Variants in COG7 observed in about 807,000 individuals in gnomAD.
COG7 encodes conserved oligomeric Golgi complex subunit 7.
A neutral mutation model predicts 91.5 loss-of-function variants in COG7; 49 were observed. The observed-to-expected ratio is 0.54, with a 90% CI of 0.43 to 0.68. The LOEUF (loss-of-function observed/expected upper bound fraction) is 0.68. Among genes scored for constraint, COG7 ranks in the 30% least tolerant of loss-of-function variants. The probability of loss-of-function intolerance (pLI) is 0.00; values close to 1 mark genes in which losing one functional copy is unlikely to be tolerated. For missense variants in COG7, 895 were observed against 961.3 expected (o/e 0.93, Z 0.91); for synonymous variants, 365 against 388.7 (o/e 0.94, Z 0.72).
intron 10 of COG7, chr16:23,412,648 TCAA>T (rs944506407): frequency 6.6e-6 from 1 of 152,242 alleles, no homozygotes; most frequent in African/African-American, 2.4e-5. Flanking sequence ...AATCTGGCCC[TCAA>T]CAACGACTTG....
In COG7 at chr16:23,388,789, C is replaced by T. The variant is rs955696029; in HGVS notation, c.*131G>A. On this transcript the variant is annotated 3_prime_UTR_variant, in exon 17 of 17. Transcript: ENST00000307149. ...TGCTGGGATTACAGGCGTGAGCCAC[C>T]GTGACCAGCTGAACCAAGTCTTTTT... The T allele has an allele frequency of 1.5e-5, 22 of 1,503,026 alleles. No individual in the cohort carries two copies. The highest frequency in any genetic ancestry group is 3.8e-5 in the South Asian group (3 of 79,014). The allele number at this position is 1,503,026 out of a possible 1,614,324, so 93.1% of individuals were successfully genotyped here.
At chr16:23,441,969 T>A (rs1964108186) in intron 4 of COG7, 1 of 155,304 alleles carries the variant, frequency 6.4e-6, no homozygotes. Context: ...AATGAAGAAT[T>A]CTGAAGGAGA....
chr16:23,424,044 T>G (rs1272675851), intron 7 of COG7, among the ~76,000 whole-genome samples: 1 of 152,196 alleles, frequency 6.6e-6, no homozygotes, highest in Non-Finnish European at 1.5e-5. Context: ...CTCATGCCTG[T>G]AATCCCAGCA....
chr16:23,389,153 A>G, intron 16 of COG7, 67 bp from the exon 17 acceptor site: 1 of 1,572,872 alleles, frequency 6.4e-7, no homozygotes, highest in Non-Finnish European at 8.7e-7. Context: ...AGAGCCCCAC[A>G]GGGCCTCCCC....
At chr16:23,395,281 G>C (rs1365587959) in intron 14 of COG7, among the ~76,000 whole-genome samples, 2 of 152,066 alleles carry the variant, frequency 1.3e-5, no homozygotes, top group Admixed American at 6.5e-5. Flanking sequence ...TTTCCCCAAG[G>C]CTGGGGGAAG....
Position 23,410,315 on chromosome 16 carries a change from GAAGTCCCCA to G in COG7, c.1446_1454del (p.Gly483_Phe485del), listed in dbSNP as rs1567334056. On this transcript the variant is annotated inframe_deletion, in exon 11 of 17. Coordinates refer to ENST00000307149, the MANE Select transcript of COG7 (RefSeq NM_153603.4). ...CCTACCTGTTGGCTAGCTGCTGCTC[GAAGTCCCCA>G]CAATGCCGCAAAAGCTCTCCACAGG... is the stretch of plus-strand genomic sequence containing the variant. 6.2e-7 allele frequency: 1 copy of G among 1,614,008 alleles called. No homozygotes were observed. Among genetic ancestry groups the G allele is most frequent in the African/African-American group, 1.3e-5 (1 of 75,020 alleles).
In COG7 at chr16:23,399,392, G is replaced by A. The variant is rs902166932; in HGVS notation, c.1804-1263C>T. Reference sequence around the variant, plus strand: ...CTCCCAATCCAGCGAGAAGGAACACGCCAACCATCCACATTTACCAAGTAC... The same window carrying A: ...CTCCCAATCCAGCGAGAAGGAACACACCAACCATCCACATTTACCAAGTAC... On this transcript the variant is annotated intron_variant, in intron 13 of 16. Coordinates refer to ENST00000307149, the MANE Select transcript of COG7 (RefSeq NM_153603.4). Among the ~76,000 whole-genome samples, 4 of 152,086 alleles carry A rather than the reference G, an allele frequency of 2.6e-5. No homozygotes were observed. The East Asian group carries it at 5.8e-4, about 22-fold the overall frequency.
chr16:23,447,215 AT>A, intron 1 of COG7: 1 of 151,038 alleles, frequency 6.6e-6, no homozygotes, highest in Middle Eastern at 3.5e-3. Flanking sequence ...TTCACACTCT[AT>A]TTATTTATTT....
chr16:23,453,090 G>A lies in COG7; in HGVS notation c.-96C>T. 1 of 1,574,322 alleles carries A rather than the reference G, an allele frequency of 6.4e-7. No homozygotes were observed. The highest frequency in any genetic ancestry group is 8.6e-7 in the Non-Finnish European group (1 of 1,158,328). ...CGAGCGAGCCTGCGAGAGCACCGAG[G>A]CTAGCCTCCGAGGCGAACCCCAGAA... On this transcript the variant is annotated 5_prime_UTR_variant, in exon 1 of 17. Coordinates refer to ENST00000307149, the MANE Select transcript of COG7 (RefSeq NM_153603.4).
intron 16 of COG7, chr16:23,391,975 T>C: frequency 1.8e-6 from 2 of 1,142,186 alleles, no homozygotes; most frequent in Non-Finnish European, 2.2e-6. Context: ...ACAGGGGAGT[T>C]TGGAATTACA....
intron 5 of COG7, 112 bp from the exon 6 acceptor site, chr16:23,433,779 G>A: frequency 7.9e-7 from 1 of 1,260,826 alleles, no homozygotes; most frequent in African/African-American, 1.5e-5. Flanking sequence ...TGGGCTCACT[G>A]GGCAGCCCAG....
At chr16:23,406,453 A>T (rs1411069948) in intron 11 of COG7, among the ~76,000 whole-genome samples, 191 bp from the exon 12 acceptor site, 2 of 152,034 alleles carry the variant, frequency 1.3e-5, no homozygotes, top group African/African-American at 4.8e-5. Context: ...GGTGCACAAT[A>T]AAAAAAACCC....
At chr16:23,417,536 G>A (rs753111382) in intron 8 of COG7, among the ~76,000 whole-genome samples, 6 of 152,202 alleles carry the variant, frequency 3.9e-5, no homozygotes, top group Admixed American at 6.5e-5. Context: ...GATGGCAGAC[G>A]TGGGCAGATT....
chr16:23,442,359 G>T, intron 4 of COG7, 118 bp downstream of exon 4: 17 of 850,382 alleles, frequency 2.0e-5, no homozygotes, highest in Non-Finnish European at 3.2e-5. Context: ...AAAAATTACA[G>T]AGTTCCTTCT....
chr16:23,418,558 C>T (rs374079951), intron 8 of COG7, 142 bp downstream of exon 8: 26 of 712,530 alleles, frequency 3.6e-5, no homozygotes, highest in East Asian at 3.0e-4. Context: ...TCTCATTTTA[C>T]ATTGGGATTA....
chr16:23,397,521 C>G (rs1345656887), intron 14 of COG7, among the ~76,000 whole-genome samples: 1 of 152,144 alleles, frequency 6.6e-6, no homozygotes, highest in African/African-American at 2.4e-5. Flanking sequence ...TCCACGTGCC[C>G]CCATTCCCCT....
chr16:23,406,283 A>G, intron 11 of COG7, 21 bp from the exon 12 acceptor site: 2 of 1,603,068 alleles, frequency 1.2e-6, no homozygotes, highest in Non-Finnish European at 1.7e-6. Flanking sequence ...AGGAATGACC[A>G]TTATGCCCTG....
chr16:23,388,800 G>A lies in COG7; in HGVS notation c.*120C>T. On this transcript the variant is annotated 3_prime_UTR_variant, in exon 17 of 17. Transcript: ENST00000307149. ...CAGGCGTGAGCCACCGTGACCAGCT[G>A]AACCAAGTCTTTTTAAAGTAACTTC... is the stretch of plus-strand genomic sequence containing the variant. The A allele has an allele frequency of 6.5e-7, 1 of 1,550,344 alleles. No homozygotes were observed. The highest frequency in any genetic ancestry group is 8.7e-7 in the Non-Finnish European group (1 of 1,149,856).
intron 16 of COG7, 168 bp downstream of exon 16, chr16:23,392,212 C>A: frequency 6.6e-7 from 1 of 1,505,416 alleles, no homozygotes. Flanking sequence ...AAGTCAGAAT[C>A]TCTGGGGCAG....
Sources: gnomAD v4.1 joint callset for allele counts (sites outside exome capture counted in the v4.1 genomes callset) on GRCh38, gnomAD v4.1.1 for gene constraint, MANE v1.5 for transcripts, NCBI Gene and HGNC (gene_info 2026-07-23, HGNC 2026-07-21) for gene names.